The following FNDC3B variants were observed in gnomAD, a reference collection of about 807,000 sequenced individuals.
The protein encoded by FNDC3B is fibronectin type III domain containing 3B.
A neutral mutation model predicts 151.5 loss-of-function variants in FNDC3B; 12 were observed. The observed-to-expected ratio is 0.08, with a 90% CI of 0.05 to 0.13. The LOEUF is 0.13. Among genes scored for constraint, FNDC3B ranks in the 10% least tolerant of loss-of-function variants. The pLI is 1.00. For synonymous variants in FNDC3B, 528 were observed against 549.0 expected (o/e 0.96, Z 0.54); for missense variants, 1,214 against 1,505.3 (o/e 0.81, Z 3.20).
intron 10 of FNDC3B, among the ~76,000 whole-genome samples, chr3:172,308,106 C>T (rs933155987): frequency 1.3e-5 from 2 of 151,982 alleles, no homozygotes; most frequent in African/African-American, 4.8e-5. Flanking sequence ...CATAAAACAA[C>T]CTAGAACATT....
In FNDC3B at chr3:172,370,291, A is replaced by G. The variant is rs141752811; in HGVS notation, c.3008+7446A>G. 2.3e-3 allele frequency among the ~76,000 whole-genome samples: 354 copies of G among 152,306 alleles called. 2 individuals carry two copies. Among genetic ancestry groups the G allele is most frequent in the Non-Finnish European group, 3.9e-3 (268 of 68,026 alleles). The stretch of plus-strand genomic sequence containing the variant: ...GTTTTAAAGAAACATTCTAAAGCTA[A>G]ATTCTTCATGTATATTACATTTCCC... On this transcript the variant is annotated intron_variant, in intron 23 of 25. Coordinates refer to ENST00000415807, the MANE Select transcript of FNDC3B (RefSeq NM_022763.4).
Position 172,400,231 on chromosome 3 carries a change from A to G in FNDC3B, c.*2756A>G, listed in dbSNP as rs1736506823. 1 of 152,310 alleles carries G rather than the reference A, an allele frequency of 6.6e-6. No individual in the cohort carries two copies. Among genetic ancestry groups the G allele is most frequent in the Non-Finnish European group, 1.5e-5 (1 of 68,030 alleles). The allele number at this position is 152,310 out of a possible 1,614,324, so 9.4% of individuals were successfully genotyped here. A position where few individuals can be genotyped will look rare whatever the true frequency, so the allele number is the denominator to read the frequency against. ...ACTCATCCCTGGCACAAGAAATTCC[A>G]GTCATGTGAAGCAAACTGCCCTTTG... On this transcript the variant is annotated 3_prime_UTR_variant, in exon 26 of 26. Transcript: ENST00000415807.
At chr3:172,353,675 T>A (rs2108326885) in intron 22 of FNDC3B, among the ~76,000 whole-genome samples, 1 of 152,342 alleles carries the variant, frequency 6.6e-6, no homozygotes, top group South Asian at 2.1e-4. Context: ...CAGAGGATAG[T>A]TCTGTTATGG....
At chr3:172,278,787 C>T (rs540052105) in intron 6 of FNDC3B, among the ~76,000 whole-genome samples, 1 of 152,174 alleles carries the variant, frequency 6.6e-6, no homozygotes, top group African/African-American at 2.4e-5. Context: ...ATTAGCCAGG[C>T]ATAGTGGCGC....
At chr3:172,381,821 C>T (rs1285075) in intron 25 of FNDC3B, among the ~76,000 whole-genome samples, 129,877 of 152,184 alleles carry the variant, frequency 0.85, 56,365 homozygotes, top group East Asian at 1. Context: ...TATGGCTGCA[C>T]AGTATTCCAT....
chr3:172,386,626 G>A (rs1000048882), intron 25 of FNDC3B, among the ~76,000 whole-genome samples: 1 of 151,756 alleles, frequency 6.6e-6, no homozygotes, highest in Non-Finnish European at 1.5e-5. Flanking sequence ...CCTGTAGTCC[G>A]AGCTACTTGG....
intron 3 of FNDC3B, among the ~76,000 whole-genome samples, chr3:172,137,886 C>T (rs1721449758): frequency 6.6e-6 from 1 of 152,144 alleles, no homozygotes; most frequent in Non-Finnish European, 1.5e-5. Context: ...TTGGCCAGAT[C>T]AAAGTGTATA....
rs992014322 is a variant in FNDC3B at position 172,335,070 on chromosome 3, A to G, written c.1768A>G (p.Ser590Gly). 6.2e-7 allele frequency: 1 copy of G among 1,602,068 alleles called. No individual in the cohort carries two copies. Residue 590 changes from serine to glycine, a missense_variant, in exon 15 of 26, where the codon AGT becomes GGT. Physicochemically the swap from Ser to Gly is moderately conservative, Grantham distance 56. Coordinates refer to ENST00000415807, the MANE Select transcript of FNDC3B (RefSeq NM_022763.4). ...AGGCCCAGTTACATCTCATGGCTTT[A>G]GTGTCAAATGGGGTATGTTTTGCTG... Reference protein sequence around the residue: ...VKGPVTSHGFSVKWDPPKDNG... With the variant: ...VKGPVTSHGFGVKWDPPKDNG...
chr3:172,055,230 C>T (rs1351513136), intron 1 of FNDC3B, among the ~76,000 whole-genome samples: 3 of 151,962 alleles, frequency 2.0e-5, no homozygotes, highest in Admixed American at 6.6e-5. Flanking sequence ...ATTTTATTTC[C>T]GGCTTTGTTT....
intron 1 of FNDC3B, among the ~76,000 whole-genome samples, chr3:172,044,285 T>C (rs1201117735): frequency 7.0e-6 from 1 of 142,728 alleles, no homozygotes; most frequent in Non-Finnish European, 1.5e-5. Flanking sequence ...TTCCAACTCT[T>C]TTTTTTTTTT....
intron 6 of FNDC3B, among the ~76,000 whole-genome samples, chr3:172,266,813 T>G (rs1250946344): frequency 6.6e-6 from 1 of 152,212 alleles, no homozygotes; most frequent in African/African-American, 2.4e-5. Context: ...TAACTCAGGA[T>G]AATCTGCCAT....
intron 1 of FNDC3B, among the ~76,000 whole-genome samples, chr3:172,085,411 C>T (rs964864028): frequency 6.6e-6 from 1 of 152,150 alleles, no homozygotes; most frequent in African/African-American, 2.4e-5. Flanking sequence ...AATAGCAGCT[C>T]ACTGTTAAGA....
chr3:172,385,030 A>G (rs1285766860), intron 25 of FNDC3B, among the ~76,000 whole-genome samples: 2 of 151,748 alleles, frequency 1.3e-5, no homozygotes, highest in African/African-American at 2.4e-5. Flanking sequence ...GTAGTCGTAC[A>G]TGAAAAGCCA....
At chr3:172,245,288 C>T (rs1385710816) in intron 4 of FNDC3B, among the ~76,000 whole-genome samples, 1 of 151,974 alleles carries the variant, frequency 6.6e-6, no homozygotes, top group Non-Finnish European at 1.5e-5. Context: ...TTAGTGAGAG[C>T]CCTGTTCTTG....
At chr3:172,257,350 GT>G (rs1466975812) in intron 6 of FNDC3B, among the ~76,000 whole-genome samples, 4 of 152,174 alleles carry the variant, frequency 2.6e-5, no homozygotes, top group Non-Finnish European at 4.4e-5. Context: ...GAATGGAATT[GT>G]AAGATTTTAA....
At chr3:172,215,279 C>G (rs12629746) in intron 3 of FNDC3B, among the ~76,000 whole-genome samples, 2 of 152,192 alleles carry the variant, frequency 1.3e-5, no homozygotes, top group East Asian at 1.9e-4. Flanking sequence ...TCTGTCCCCA[C>G]TGGGAGAAGA....
intron 15 of FNDC3B, chr3:172,335,393 A>G (rs1469708275): frequency 6.6e-5 from 13 of 197,636 alleles, no homozygotes. Flanking sequence ...TTTTTAAGGC[A>G]TGGATTTGAA....
chr3:172,192,054 T>G (rs1045230842), intron 3 of FNDC3B, among the ~76,000 whole-genome samples: 49 of 152,272 alleles, frequency 3.2e-4, no homozygotes, highest in African/African-American at 1.0e-3. Context: ...TTTCAGAGGA[T>G]AGGAAACTCA....
At chr3:172,331,164 A>G (rs1474129095) in intron 13 of FNDC3B, among the ~76,000 whole-genome samples, 1 of 152,126 alleles carries the variant, frequency 6.6e-6, no homozygotes, top group Non-Finnish European at 1.5e-5. Flanking sequence ...GGAGAACATC[A>G]TCTTGTAAAA....
Sources: allele counts gnomAD v4.1 joint callset (sites outside exome capture counted in the v4.1 genomes callset), GRCh38; gene constraint gnomAD v4.1.1; transcripts MANE v1.5; gene names NCBI Gene and HGNC (gene_info 2026-07-23, HGNC 2026-07-21).